Variants in APC2 observed in about 807,000 individuals in gnomAD.
APC2 encodes APC regulator of Wnt signaling pathway 2, also known as adenomatous polyposis coli protein 2.
Under a neutral mutation model 72.5 loss-of-function variants are expected in APC2, and 41 were observed. The ratio of observed to expected loss-of-function variants is 0.57; its 90% CI spans 0.44 to 0.73. The LOEUF (loss-of-function observed/expected upper bound fraction) is 0.73. Among genes scored for constraint, APC2 ranks in the 30% least tolerant of loss-of-function variants. The pLI is 0.00. For synonymous variants in APC2, 1,898 were observed against 1,612.0 expected, an observed-to-expected ratio of 1.18 and a Z score of -4.25; for missense variants, 3,729 against 3,403.4, an observed-to-expected ratio of 1.10 and a Z score of -2.38.
rs377140511 is a variant in APC2, at chr19:1,466,535, G to C, written c.3234G>C (p.Ser1078=). 5 of 1,587,266 alleles carry C rather than the reference G, an allele frequency of 3.2e-6. No homozygotes were observed. The highest frequency in any genetic ancestry group is 4.3e-6 in the Non-Finnish European group (5 of 1,174,554). The stretch of plus-strand genomic sequence containing the variant: ...GCAGCTCCCTTTCCTCGCTGTCCTC[G>C]GCCGGCCGCCCAGGCCCCAGCGAGG... The part of the protein sequence containing the change: ...SRCSSLSSLS[S]AGRPGPSEGG... Residue 1078 remains serine (S), a synonymous_variant, in exon 15 of 15, where the codon TCG becomes TCC. Transcript: ENST00000590469.
chr19:1,456,214 C>T, intron 7 of APC2, 61 bp downstream of exon 7: 3 of 1,549,250 alleles, frequency 1.9e-6, no homozygotes, highest in South Asian at 2.4e-5. Context: ...AACGGGGCTC[C>T]TCGAGTTCTG....
rs2084166182 is a variant in APC2, at chr19:1,473,224, A to C, written c.*3011A>C. 1 of 152,296 alleles carries C rather than the reference A, an allele frequency of 6.6e-6. No individual in the cohort carries two copies. The highest frequency in any genetic ancestry group is 1.5e-5 in the Non-Finnish European group (1 of 68,062). The allele number at this position is 152,296 out of a possible 1,614,324, so 9.4% of individuals were successfully genotyped here. The stretch of plus-strand genomic sequence containing the variant: ...GCTGTCCGACTCGCACACATTTAAT[A>C]AACTGAGCTCTTGCATTGCCTGCCG... On this transcript the variant is annotated 3_prime_UTR_variant, in exon 15 of 15. Coordinates refer to ENST00000590469, the MANE Select transcript of APC2 (RefSeq NM_005883.3).
At position 1,469,678 on chromosome 19, in the gene APC2, G is replaced by A. The variant is rs1354627865; in HGVS notation, c.6377G>A (p.Arg2126His). ...GCCCCTGCCTCAGCCGACGCCGCGCGCCGCAGCAGCGACGGGGAGCCCCGG... is the reference window on the plus strand; with the variant it reads ...GCCCCTGCCTCAGCCGACGCCGCGCACCGCAGCAGCGACGGGGAGCCCCGG... ...PAAPASADAA[R>H]RSSDGEPRPL... The change falls in exon 15 of 15, where the codon CGC becomes CAC. Residue 2126 changes from arginine (R) to histidine (H), a missense_variant. Arg to His is a conservative substitution (Grantham distance 29, BLOSUM62 0). Transcript: ENST00000590469. The A allele has an allele frequency of 3.9e-6, 5 of 1,275,902 alleles. No homozygotes were observed. Among genetic ancestry groups the A allele is most frequent in the Non-Finnish European group, 4.9e-6 (5 of 1,017,444 alleles). The allele number at this position is 1,275,902 out of a possible 1,614,324, so 79.0% of individuals were successfully genotyped here.
chr19:1,465,461 G>A lies in APC2; in HGVS notation c.2160G>A (p.Val720=). The change falls in exon 15 of 15, where the codon GTG becomes GTA. Residue 720 remains valine, a synonymous_variant. Coordinates refer to ENST00000590469, the MANE Select transcript of APC2 (RefSeq NM_005883.3). ...GCAGCTGCGTGCCCAGCCTGTACGTGCGCAAGCAGCGGGCGCTGGAGGCCG... is the reference window on the plus strand; with the variant it reads ...GCAGCTGCGTGCCCAGCCTGTACGTACGCAAGCAGCGGGCGCTGGAGGCCG... ...SPGSCVPSLY[V]RKQRALEAEL... is the part of the protein sequence containing the mutation. 1.3e-6 allele frequency: 2 copies of A among 1,532,084 alleles called. No homozygotes were observed. Among genetic ancestry groups the A allele is most frequent in the Non-Finnish European group, 1.7e-6 (2 of 1,144,662 alleles). 94.9% of individuals were successfully genotyped at this position (1,532,084 alleles called of 1,614,324 possible). A position where few individuals can be genotyped will look rare whatever the true frequency, so the allele number is the denominator to read the frequency against.
chr19:1,453,378 G>T (rs1488625319), intron 3 of APC2, 41 bp downstream of exon 3: 3 of 1,610,568 alleles, frequency 1.9e-6, no homozygotes, highest in South Asian at 1.1e-5. Flanking sequence ...GGGGGAGGCT[G>T]GGGGGAAAGG....
intron 4 of APC2, among the ~76,000 whole-genome samples, chr19:1,453,977 G>T (rs1339000811): frequency 6.6e-6 from 1 of 152,238 alleles, no homozygotes; most frequent in Non-Finnish European, 1.5e-5. Flanking sequence ...CGGGCTCAAA[G>T]CCGTCTTTGT....
rs1983141514 is a variant in APC2, at chr19:1,471,529, CG to C, written c.*1317del. ...TGGGCCTCCTGCGTGGGGTGGGACTCGCAGGGGCCGGGTCTCCGTGACTGGG... is the reference window on the plus strand; with the variant it reads ...TGGGCCTCCTGCGTGGGGTGGGACTCCAGGGGCCGGGTCTCCGTGACTGGG... On this transcript the variant is annotated 3_prime_UTR_variant, in exon 15 of 15. Transcript: ENST00000590469. 1 of 152,240 alleles carries C rather than the reference CG, an allele frequency of 6.6e-6. No homozygotes were observed. Among genetic ancestry groups the C allele is most frequent in the Non-Finnish European group, 1.5e-5 (1 of 68,060 alleles). The allele number at this position is 152,240 out of a possible 1,614,324, so 9.4% of individuals were successfully genotyped here. A position where few individuals can be genotyped will look rare whatever the true frequency, so the allele number is the denominator to read the frequency against.
intron 10 of APC2, among the ~76,000 whole-genome samples, chr19:1,459,410 T>C (rs1306207391): frequency 2.0e-5 from 3 of 152,198 alleles, no homozygotes; most frequent in Admixed American, 6.5e-5. Context: ...TGACATCCCA[T>C]CGTGTGCACA....
In APC2 at chr19:1,457,025, G is replaced by T. The variant is rs1193109801; in HGVS notation, c.989G>T (p.Gly330Val). 2 of 1,527,804 alleles carry T rather than the reference G, an allele frequency of 1.3e-6. No homozygotes were observed. The highest frequency in any genetic ancestry group is 2.5e-5 in the East Asian group (1 of 39,696). 94.6% of individuals were successfully genotyped at this position (1,527,804 alleles called of 1,614,324 possible). A position where few individuals can be genotyped will look rare whatever the true frequency, so the allele number is the denominator to read the frequency against. ...ILHGTEAAAG[G>V]RAGAPGAPGA... ...CACGGCACCGAGGCCGCGGCCGGGG[G>T]TCGCGCCGGGGCCCCAGGGGCACCG... is the stretch of plus-strand genomic sequence containing the variant. The change falls in exon 9 of 15, where the codon GGT becomes GTT. Residue 330 changes from glycine to valine, a missense_variant. Coordinates refer to ENST00000590469, the MANE Select transcript of APC2 (RefSeq NM_005883.3).
At position 1,466,182 on chromosome 19, in the gene APC2, C is replaced by T; in HGVS notation, c.2881C>T (p.Gln961Ter). Residue 961 changes from glutamine to a stop codon, truncating the protein, a stop_gained, in exon 15 of 15, where the codon CAG becomes TAG. Transcript: ENST00000590469. LOFTEE classifies it low-confidence loss of function (END_TRUNC). ...GCGCCGCGAGGACCCCAGGTGTGGG[C>T]AGCCTCGGCCCAGCCGGCTTGACCT... ...ASRREDPRCG[Q>*]PRPSRLDLDL... The T allele has an allele frequency of 1.3e-6, 2 of 1,560,080 alleles. No individual in the cohort carries two copies. The highest frequency in any genetic ancestry group is 2.4e-5 in the East Asian group (1 of 42,408).
rs745322112 is a variant in APC2, at chr19:1,468,976, C to G, written c.5675C>G (p.Pro1892Arg). ...ASQPLPRKRPPVTQAAGALPG... is the reference protein window; with the variant it reads ...ASQPLPRKRPRVTQAAGALPG... ...CAGCCCCTGCCCAGAAAGCGCCCCC[C>G]GGTCACCCAGGCTGCTGGGGCCCTG... The change falls in exon 15 of 15, where the codon CCG becomes CGG. Residue 1892 changes from proline to arginine, a missense_variant. Physicochemically the swap from Pro to Arg is moderately radical, Grantham distance 103. Coordinates refer to ENST00000590469, the MANE Select transcript of APC2 (RefSeq NM_005883.3). 2.6e-6 allele frequency: 4 copies of G among 1,560,580 alleles called. No homozygotes were observed. The highest frequency in any genetic ancestry group is 1.2e-5 in the South Asian group (1 of 84,734).
At position 1,450,148 on chromosome 19, in the gene APC2, G is replaced by GTC; in HGVS notation, c.-209_-208insTC. ...GGTGGTCTCGCCCAGCGCTAGGAGC[G>GTC]GCAGCGCCGCCTGCCCAGGCCCGGA... On this transcript the variant is annotated 5_prime_UTR_variant, in exon 1 of 15. Transcript: ENST00000590469. 1.0e-6 allele frequency: 1 copy of GTC among 985,300 alleles called. No individual in the cohort carries two copies. The highest frequency in any genetic ancestry group is 1.7e-5 in the African/African-American group (1 of 57,330). The allele number at this position is 985,300 out of a possible 1,614,324, so 61.0% of individuals were successfully genotyped here.
Position 1,472,899 on chromosome 19 carries a change from A to C in APC2, c.*2686A>C, listed in dbSNP as rs973201614. On this transcript the variant is annotated 3_prime_UTR_variant, in exon 15 of 15. Transcript: ENST00000590469. ...GGAGGGTGGAGGTGTCCTGAGGCTG[A>C]TGGACAGTGACCGCCACTGGCCCCC... 2.6e-5 allele frequency: 4 copies of C among 152,302 alleles called. No homozygotes were observed. The highest frequency in any genetic ancestry group is 1.3e-4 in the Admixed American group (2 of 15,288). 9.4% of individuals were successfully genotyped at this position (152,302 alleles called of 1,614,324 possible). A position where few individuals can be genotyped will look rare whatever the true frequency, so the allele number is the denominator to read the frequency against.
chr19:1,456,179 C>A (rs1044657182), intron 7 of APC2, 26 bp downstream of exon 7: 1 of 1,568,734 alleles, frequency 6.4e-7, no homozygotes, highest in Non-Finnish European at 8.6e-7. Context: ...GAGCCAGGGA[C>A]CAGGGGTGGT....
intron 4 of APC2, among the ~76,000 whole-genome samples, 199 bp downstream of exon 4, chr19:1,453,810 A>C (rs1275326749): frequency 1.3e-5 from 2 of 150,698 alleles, no homozygotes; most frequent in African/African-American, 4.9e-5. Context: ...CCCCCTCCCC[A>C]GCCCGGCTGA....
At chr19:1,464,715 C>T (rs1484208763) in intron 14 of APC2, among the ~76,000 whole-genome samples, 3 of 148,942 alleles carry the variant, frequency 2.0e-5, no homozygotes, top group African/African-American at 5.0e-5. Flanking sequence ...TCACTGCAGC[C>T]TCTACCTCCC....
Position 1,467,392 on chromosome 19 carries a change from C to T in APC2, c.4091C>T (p.Pro1364Leu). Reference sequence around the variant, plus strand: ...CGCAAGGTGGCCTCCGCGCTGGTGCCAGGTCGCCGCGCACTCCCCGTGCCC... The same window carrying T: ...CGCAAGGTGGCCTCCGCGCTGGTGCTAGGTCGCCGCGCACTCCCCGTGCCC... ...RLRKVASALV[P>L]GRRALPVPVY... The change falls in exon 15 of 15, where the codon CCA (proline) becomes CTA (leucine). Residue 1364 changes from proline to leucine, a missense_variant. Pro to Leu is a moderately conservative substitution (Grantham distance 98). Coordinates refer to ENST00000590469, the MANE Select transcript of APC2 (RefSeq NM_005883.3). 1 of 1,487,682 alleles carries T rather than the reference C, an allele frequency of 6.7e-7. No homozygotes were observed. Among genetic ancestry groups the T allele is most frequent in the Non-Finnish European group, 8.9e-7 (1 of 1,124,688 alleles). The allele number at this position is 1,487,682 out of a possible 1,614,324, so 92.2% of individuals were successfully genotyped here. A position where few individuals can be genotyped will look rare whatever the true frequency, so the allele number is the denominator to read the frequency against.
rs778563278 is a variant in APC2 at position 1,452,971 on chromosome 19, C to T, written c.-18-13C>T. On this transcript the variant is annotated splice_polypyrimidine_tract_variant and intron_variant, in intron 1 of 14. Coordinates refer to ENST00000590469, the MANE Select transcript of APC2 (RefSeq NM_005883.3). This position sits in a 1 kb window ranked among gnomAD's most constrained non-coding sequence, Gnocchi z 5.1. ...CAGACCATCAGCTGAACCCTCTGAC[C>T]CTGTGATCCCAGACGCTGCAGGAGC... 2 of 1,609,498 alleles carry T rather than the reference C, an allele frequency of 1.2e-6. No homozygotes were observed. The highest frequency in any genetic ancestry group is 8.5e-7 in the Non-Finnish European group (1 of 1,179,242).
chr19:1,453,373 A>C, intron 3 of APC2, 36 bp downstream of exon 3: 1 of 1,610,904 alleles, frequency 6.2e-7, no homozygotes, highest in Non-Finnish European at 8.5e-7. Context: ...GGAGTGGGGG[A>C]GGCTGGGGGG....
Sources: gnomAD v4.1 joint callset for allele counts (sites outside exome capture counted in the v4.1 genomes callset) on GRCh38, gnomAD v4.1.1 for gene constraint, Gnocchi (gnomAD v3.1) non-coding constraint, MANE v1.5 for transcripts, NCBI Gene and HGNC (gene_info 2026-07-23, HGNC 2026-07-21) for gene names.